Variants in LNX1 observed in about 807,000 individuals in gnomAD.
LNX1 encodes the protein ligand of numb-protein X 1.
LNX1 carries 54 observed loss-of-function variants against 68.4 expected under a neutral mutation model. That is an observed-to-expected ratio of 0.79 (90% confidence interval 0.63 to 0.99). The LOEUF (loss-of-function observed/expected upper bound fraction) is 0.99, where lower values mean the gene tolerates loss of function less well. LNX1 is among the 50% of genes least tolerant of loss of function. The pLI, the probability that LNX1 is intolerant of heterozygous loss-of-function variation, is 0.00. For missense variants in LNX1, 906 were observed against 926.4 expected (o/e 0.98, Z 0.29); for synonymous variants, 336 against 350.0 (o/e 0.96, Z 0.45).
At chr4:53,567,500 G>A (rs1260202991) in intron 2 of LNX1, among the ~76,000 whole-genome samples, 2 of 152,258 alleles carry the variant, frequency 1.3e-5, no homozygotes, top group Non-Finnish European at 2.9e-5. Flanking sequence ...AAAGCAGTGT[G>A]TAGAGGGAAA....
chr4:53,468,997 A>G (rs1479606262), intron 9 of LNX1, among the ~76,000 whole-genome samples: 2 of 152,226 alleles, frequency 1.3e-5, no homozygotes, highest in East Asian at 3.8e-4. Flanking sequence ...GACCTAATAG[A>G]CATCTACGGA....
intron 2 of LNX1, chr4:53,558,254 C>A: frequency 8.2e-7 from 1 of 1,218,008 alleles, no homozygotes; most frequent in Non-Finnish European, 1.0e-6. Flanking sequence ...AGGAACCAGC[C>A]CCTCCTGCAG....
chr4:53,477,822 G>A lies in LNX1; in HGVS notation c.1663+743C>T, dbSNP rs966056643. ...AAAGGCCTTGAGTCCTTTCTGACCC[G>A]AAAGAAGCATCTTTCAGACAGCTGA... On this transcript the variant is annotated intron_variant, in intron 8 of 10. Transcript: ENST00000263925. Among the ~76,000 whole-genome samples, 15 of 152,024 alleles carry A rather than the reference G, an allele frequency of 9.9e-5. 1 individual carries two copies. The East Asian group carries it at 1.2e-3, about 12-fold the overall frequency.
chr4:53,613,108 T>A (rs183219789), intron 2 of LNX1, among the ~76,000 whole-genome samples: 1 of 150,070 alleles, frequency 6.7e-6, no homozygotes, highest in East Asian at 1.9e-4. Context: ...ATATGGGCTT[T>A]CTGGGTAAGT....
At chr4:53,552,475 A>C (rs939013659) in intron 2 of LNX1, among the ~76,000 whole-genome samples, 3 of 152,172 alleles carry the variant, frequency 2.0e-5, no homozygotes, top group African/African-American at 7.2e-5. Context: ...AACGAAATGC[A>C]CCACCAGTAC....
At chr4:53,590,809 A>C (rs1192537923) in intron 1 of LNX1, among the ~76,000 whole-genome samples, 1 of 152,212 alleles carries the variant, frequency 6.6e-6, no homozygotes, top group Non-Finnish European at 1.5e-5. Context: ...AGAGTGTTCA[A>C]CAAAGAGCAA....
Position 53,460,937 on chromosome 4 carries a change from A to AGTT in LNX1, c.2154_2156dup (p.Thr719dup), listed in dbSNP as rs774247132. The AGTT allele has an allele frequency of 5.0e-6, 8 of 1,610,628 alleles. No homozygotes were observed. Among genetic ancestry groups the AGTT allele is most frequent in the Admixed American group, 3.4e-5 (2 of 59,502 alleles). On this transcript the variant is annotated inframe_insertion, in exon 11 of 11. Transcript: ENST00000263925. The stretch of plus-strand genomic sequence containing the variant: ...AAAAAGTGCCAGGCCAAGAAACAAT[A>AGTT]GTTAGAGTAATTCTTCCTTTAAGTT...
chr4:53,555,246 T>C (rs551083074), intron 2 of LNX1, among the ~76,000 whole-genome samples: 40 of 152,258 alleles, frequency 2.6e-4, no homozygotes, highest in African/African-American at 8.9e-4. Flanking sequence ...AGCAGCCCTA[T>C]TTACTGTTCC....
intron 2 of LNX1, among the ~76,000 whole-genome samples, chr4:53,611,418 T>C (rs1453840474): frequency 6.6e-6 from 1 of 152,198 alleles, no homozygotes; most frequent in Non-Finnish European, 1.5e-5. Context: ...GTGTGTGGTG[T>C]GTTTTACTAA....
chr4:53,471,624 T>C (rs1385293099), intron 9 of LNX1, among the ~76,000 whole-genome samples: 1 of 151,572 alleles, frequency 6.6e-6, no homozygotes, highest in African/African-American at 2.4e-5. Context: ...GAATCTACAA[T>C]GAACTCAAAC....
At chr4:53,558,944 C>T (rs913762741) in intron 2 of LNX1, among the ~76,000 whole-genome samples, 4 of 152,194 alleles carry the variant, frequency 2.6e-5, no homozygotes, top group Admixed American at 1.3e-4. Flanking sequence ...AACACTAAGA[C>T]TTCTTTGCAG....
intron 1 of LNX1, among the ~76,000 whole-genome samples, chr4:53,636,092 C>T (rs1241951562): frequency 6.6e-6 from 1 of 150,590 alleles, no homozygotes; most frequent in African/African-American, 2.4e-5. Flanking sequence ...TTGGTCGGCA[C>T]TCCAAAAATA....
At chr4:53,467,308 C>G (rs1019308666) in intron 9 of LNX1, among the ~76,000 whole-genome samples, 4 of 152,136 alleles carry the variant, frequency 2.6e-5, no homozygotes, top group Admixed American at 6.6e-5. Context: ...AACTAACAAA[C>G]AGAAAGGGCA....
At chr4:53,640,036 C>T (rs1734621162) in intron 1 of LNX1, among the ~76,000 whole-genome samples, 1 of 147,016 alleles carries the variant, frequency 6.8e-6, no homozygotes, top group Admixed American at 6.8e-5. Context: ...GACTCTGTCT[C>T]AAAAAAAAAT....
chr4:53,570,805 A>C (rs1731103468), intron 2 of LNX1, among the ~76,000 whole-genome samples: 1 of 150,958 alleles, frequency 6.6e-6, no homozygotes, highest in Admixed American at 6.6e-5. Flanking sequence ...AGGCGGGCGG[A>C]TCACGAGGTC....
At chr4:53,549,734 G>C (rs17083013) in intron 2 of LNX1, among the ~76,000 whole-genome samples, 2,485 of 152,168 alleles carry the variant, frequency 0.016, 68 homozygotes, top group African/African-American at 0.057. Flanking sequence ...GCTGAAGATG[G>C]GTATAGGCCA....
intron 1 of LNX1, among the ~76,000 whole-genome samples, chr4:53,635,310 C>T (rs1052315380): frequency 6.6e-6 from 1 of 152,158 alleles, no homozygotes; most frequent in Non-Finnish European, 1.5e-5. Context: ...CTAGATCCCC[C>T]CTTCCGGATG....
intron 6 of LNX1, among the ~76,000 whole-genome samples, chr4:53,492,033 C>A (rs1474342580): frequency 6.6e-6 from 1 of 152,102 alleles, no homozygotes; most frequent in African/African-American, 2.4e-5. Flanking sequence ...GTGACCCACC[C>A]GCCTCGGCCT....
chr4:53,617,599 T>C (rs755482335), upstream of LNX1: 8 of 152,230 alleles, frequency 5.3e-5, no homozygotes, highest in Non-Finnish European at 1.0e-4. Flanking sequence ...AATATTTTTA[T>C]ACAACCTTGT....
Sources: allele counts gnomAD v4.1 joint callset (sites outside exome capture counted in the v4.1 genomes callset), GRCh38; gene constraint gnomAD v4.1.1; transcripts MANE v1.5; gene names NCBI Gene and HGNC (gene_info 2026-07-23, HGNC 2026-07-21).